SEMA5B: variants seen among roughly 807,000 people sequenced by gnomAD.
SEMA5B encodes the protein semaphorin 5B.
A neutral mutation model predicts 135.0 loss-of-function variants in SEMA5B; 66 were observed. The ratio of observed to expected loss-of-function variants is 0.49; its 90% CI spans 0.40 to 0.60. The LOEUF (loss-of-function observed/expected upper bound fraction) is 0.60, where lower values mean the gene tolerates loss of function less well. SEMA5B is among the 20% of genes least tolerant of loss of function. The pLI is 0.00. For synonymous variants in SEMA5B, 690 were observed against 639.5 expected, an observed-to-expected ratio of 1.08 and a Z score of -1.19; for missense variants, 1,501 against 1,566.3, an observed-to-expected ratio of 0.96 and a Z score of 0.70.
chr3:122,990,908 C>T (rs1027736456), intron 1 of SEMA5B, among the ~76,000 whole-genome samples: 4 of 152,242 alleles, frequency 2.6e-5, no homozygotes, highest in East Asian at 3.9e-4. Context: ...AGGCAGGGCT[C>T]ACCTCCCCAT....
At chr3:123,025,644 TG>T (rs1942780753) in intron 1 of SEMA5B, among the ~76,000 whole-genome samples, 2 of 152,074 alleles carry the variant, frequency 1.3e-5, no homozygotes, top group Non-Finnish European at 2.9e-5. Context: ...GGTGTTGATA[TG>T]GAGAAAAGAG....
intron 4 of SEMA5B, among the ~76,000 whole-genome samples, chr3:122,940,361 A>G (rs1939498476): frequency 6.6e-6 from 1 of 152,154 alleles, no homozygotes; most frequent in South Asian, 2.1e-4. Context: ...CATCTGTACA[A>G]TGGGGAAGTG....
At chr3:122,936,203 G>A (rs1217713460) in intron 5 of SEMA5B, among the ~76,000 whole-genome samples, 1 of 152,194 alleles carries the variant, frequency 6.6e-6, no homozygotes, top group African/African-American at 2.4e-5. Context: ...ATGATCTCTA[G>A]TAACAGTAGC....
intron 12 of SEMA5B, among the ~76,000 whole-genome samples, chr3:122,921,260 G>A (rs925779191): frequency 6.6e-6 from 1 of 152,176 alleles, no homozygotes; most frequent in African/African-American, 2.4e-5. Context: ...GTAGGAGTCT[G>A]GGCTACATTT....
intron 8 of SEMA5B, 25 bp from the exon 9 acceptor site, chr3:122,926,702 G>A: frequency 6.2e-7 from 1 of 1,604,432 alleles, no homozygotes. Context: ...GAGGAACAAG[G>A]GGCAGGGCAG....
chr3:122,974,672 G>C (rs1359652617), intron 1 of SEMA5B, among the ~76,000 whole-genome samples: 1 of 152,036 alleles, frequency 6.6e-6, no homozygotes, highest in Non-Finnish European at 1.5e-5. Flanking sequence ...GAGAAGGGGA[G>C]GGGGGTCTTT....
At chr3:123,009,210 C>T (rs79385550) in intron 1 of SEMA5B, among the ~76,000 whole-genome samples, 9,658 of 152,210 alleles carry the variant, frequency 0.063, 385 homozygotes, top group East Asian at 0.16. Context: ...CCACTCTCCA[C>T]TCTCTGGAGA....
chr3:122,976,679 T>C (rs1941331892), intron 1 of SEMA5B, among the ~76,000 whole-genome samples: 1 of 152,192 alleles, frequency 6.6e-6, no homozygotes, highest in Admixed American at 6.5e-5. Context: ...CATGCACTTA[T>C]CCATTTTATT....
At position 122,939,423 on chromosome 3, in the gene SEMA5B, A is replaced by G; in HGVS notation, c.474+2T>C. 1 of 1,609,078 alleles carries G rather than the reference A, an allele frequency of 6.2e-7. No homozygotes were observed. The highest frequency in any genetic ancestry group is 8.5e-7 in the Non-Finnish European group (1 of 1,175,370). ...GAAGGGAAGGGAAGAAAGCAATCGT[A>G]CCTGAAGAAGAGAGACATTGGCAAG... On this transcript the variant is annotated splice_donor_variant, in intron 5 of 22. Coordinates refer to ENST00000357599, the MANE Select transcript of SEMA5B (RefSeq NM_001031702.4). LOFTEE classifies it high-confidence loss of function.
intron 1 of SEMA5B, among the ~76,000 whole-genome samples, chr3:122,982,015 G>A (rs963946433): frequency 2.0e-5 from 3 of 152,238 alleles, no homozygotes; most frequent in East Asian, 1.9e-4. Flanking sequence ...GGCTGGGACC[G>A]TACAGTGGAG....
chr3:122,936,785 C>T (rs1247759111), intron 5 of SEMA5B, among the ~76,000 whole-genome samples: 2 of 152,188 alleles, frequency 1.3e-5, no homozygotes, highest in African/African-American at 4.8e-5. Context: ...TCCCCCACTC[C>T]TCCACCTCCA....
chr3:122,956,706 C>A (rs533306132), intron 2 of SEMA5B, among the ~76,000 whole-genome samples: 2 of 152,122 alleles, frequency 1.3e-5, no homozygotes, highest in Non-Finnish European at 2.9e-5. Context: ...CAGACCACCC[C>A]GGGGTGGGTA....
In SEMA5B at chr3:122,922,270, T is replaced by A; in HGVS notation, c.1450A>T (p.Thr484Ser). Residue 484 changes from threonine to serine, a missense_variant, in exon 11 of 23, where the codon ACG becomes TCG. Transcript: ENST00000357599. ...LVVDLVQAKD[T>S]LYHVLYIGTE... Reference sequence around the variant, plus strand: ...CCAATGTAGAGTACATGGTAGAGCGTGTCTTTAGCCTGCACCAGGTCCACC... The same window carrying A: ...CCAATGTAGAGTACATGGTAGAGCGAGTCTTTAGCCTGCACCAGGTCCACC... 1 of 1,613,940 alleles carries A rather than the reference T, an allele frequency of 6.2e-7. No individual in the cohort carries two copies. The highest frequency in any genetic ancestry group is 8.5e-7 in the Non-Finnish European group (1 of 1,179,886).
At chr3:122,954,349 T>C (rs1286834793) in intron 2 of SEMA5B, among the ~76,000 whole-genome samples, 1 of 152,228 alleles carries the variant, frequency 6.6e-6, no homozygotes, top group Non-Finnish European at 1.5e-5. Context: ...TTTAAATACA[T>C]TCTACTTCCA....
At chr3:122,946,400 G>A (rs1939794481) in intron 3 of SEMA5B, among the ~76,000 whole-genome samples, 1 of 152,122 alleles carries the variant, frequency 6.6e-6, no homozygotes, top group Admixed American at 6.5e-5. Flanking sequence ...TCAGGGGAGA[G>A]GGAAACTCAC....
chr3:122,960,938 G>A (rs931298004), intron 2 of SEMA5B, among the ~76,000 whole-genome samples: 5 of 152,180 alleles, frequency 3.3e-5, no homozygotes, highest in East Asian at 3.8e-4. Context: ...CTACTGAACC[G>A]TGGACTTAAA....
chr3:122,911,622 C>T, intron 20 of SEMA5B, 87 bp from the exon 21 acceptor site: 1 of 1,379,768 alleles, frequency 7.2e-7, no homozygotes, highest in Non-Finnish European at 9.9e-7. Context: ...GGGAGGACCT[C>T]TAGGTCAACG....
intron 1 of SEMA5B, among the ~76,000 whole-genome samples, chr3:122,980,456 G>A (rs1274100102): frequency 6.3e-5 from 8 of 127,220 alleles, no homozygotes; most frequent in Non-Finnish European, 9.6e-5. Flanking sequence ...GTGAAAAGCC[G>A]TGTCAAAAAA....
intron 2 of SEMA5B, among the ~76,000 whole-genome samples, chr3:122,951,467 C>G (rs763068915): frequency 3.3e-5 from 5 of 152,158 alleles, no homozygotes; most frequent in Non-Finnish European, 7.4e-5. Context: ...TTTTAAACAA[C>G]TAGTTTGGGT....
Sources: allele counts gnomAD v4.1 joint callset (sites outside exome capture counted in the v4.1 genomes callset), GRCh38; gene constraint gnomAD v4.1.1; transcripts MANE v1.5; gene names NCBI Gene and HGNC (gene_info 2026-07-23, HGNC 2026-07-21).